Variants in WDFY4 observed in about 807,000 individuals in gnomAD.
WDFY4 encodes the protein WD repeat- and FYVE domain-containing protein 4.
Under a neutral mutation model 351.9 loss-of-function variants are expected in WDFY4, and 169 were observed. The observed-to-expected ratio is 0.48, with a 90% CI of 0.42 to 0.55. The LOEUF (loss-of-function observed/expected upper bound fraction) is 0.55, where lower values mean the gene tolerates loss of function less well. Among genes scored for constraint, WDFY4 ranks in the 20% least tolerant of loss-of-function variants. The pLI is 0.00. For missense variants in WDFY4, 3,803 were observed against 3,935.6 expected, an observed-to-expected ratio of 0.97 and a Z score of 0.90; for synonymous variants, 1,622 against 1,574.6, an observed-to-expected ratio of 1.03 and a Z score of -0.71.
At chr10:48,798,141 T>C (rs956299450) in intron 24 of WDFY4, among the ~76,000 whole-genome samples, 1 of 152,170 alleles carries the variant, frequency 6.6e-6, no homozygotes, top group Non-Finnish European at 1.5e-5. Context: ...AGAGGGAGAC[T>C]GACAGTCATC....
In WDFY4 at chr10:48,813,922, G is replaced by T. The variant is rs759010236; in HGVS notation, c.5215-35G>T. ...AAGCTCGTTCTCTTGGTGAGTAGCC[G>T]CAGGTCTGCTTACAGCTCCTGCCTC... is the stretch of plus-strand genomic sequence containing the variant. On this transcript the variant is annotated intron_variant, in intron 30 of 61. Transcript: ENST00000325239. 4.7e-6 allele frequency: 7 copies of T among 1,475,894 alleles called. No individual in the cohort carries two copies. The East Asian group carries it at 1.8e-4, about 38-fold the overall frequency. The allele number at this position is 1,475,894 out of a possible 1,614,324, so 91.4% of individuals were successfully genotyped here. A position where few individuals can be genotyped will look rare whatever the true frequency, so the allele number is the denominator to read the frequency against.
chr10:48,874,601 G>A (rs1231450548), intron 41 of WDFY4, among the ~76,000 whole-genome samples: 2 of 152,024 alleles, frequency 1.3e-5, no homozygotes, highest in East Asian at 3.9e-4. Context: ...ATAAACATTT[G>A]GTGGTGTGTA....
chr10:48,913,652 C>G (rs767039473), intron 47 of WDFY4: 2 of 1,613,678 alleles, frequency 1.2e-6, no homozygotes, highest in Non-Finnish European at 1.7e-6. Context: ...GCTTTTTCAG[C>G]TTGGGGAGCT....
intron 54 of WDFY4, 107 bp downstream of exon 54, chr10:48,964,161 G>C: frequency 1.6e-6 from 2 of 1,248,920 alleles, no homozygotes; most frequent in Non-Finnish European, 2.3e-6. Flanking sequence ...GAGGTGAAAT[G>C]GTCCCCCATC....
At chr10:48,827,591 A>G (rs1411666123) in intron 36 of WDFY4, among the ~76,000 whole-genome samples, 4 of 150,280 alleles carry the variant, frequency 2.7e-5, no homozygotes, top group Non-Finnish European at 4.4e-5. Flanking sequence ...GGCTGTGAGT[A>G]TGATGTCTTA....
chr10:48,743,775 C>T (rs941674336), intron 12 of WDFY4, among the ~76,000 whole-genome samples: 6 of 152,086 alleles, frequency 3.9e-5, no homozygotes, highest in African/African-American at 1.4e-4. Flanking sequence ...AGGATGCTGT[C>T]GAGTCACATA....
At chr10:48,918,034 T>C (rs947334551) in intron 47 of WDFY4, among the ~76,000 whole-genome samples, 8 of 152,182 alleles carry the variant, frequency 5.3e-5, no homozygotes, top group African/African-American at 1.7e-4. Context: ...AAGCAGACAG[T>C]AAAGTATGTG....
chr10:48,758,855 T>A (rs763512693), intron 12 of WDFY4, among the ~76,000 whole-genome samples: 1 of 152,226 alleles, frequency 6.6e-6, no homozygotes, highest in Non-Finnish European at 1.5e-5. Flanking sequence ...GGGTTTCGTC[T>A]GATAGTTCCA....
intron 42 of WDFY4, 28 bp from the exon 43 acceptor site, chr10:48,877,005 C>T (rs2070041595): frequency 1.4e-6 from 2 of 1,444,958 alleles, no homozygotes; most frequent in Non-Finnish European, 1.8e-6. Context: ...CTCCTGTCAA[C>T]ACCACGTGTC....
intron 47 of WDFY4, chr10:48,913,279 T>G (rs1050947217): frequency 2.0e-6 from 2 of 1,018,140 alleles, no homozygotes; most frequent in Admixed American, 2.3e-5. Context: ...TGGGCTTGGC[T>G]GAAAGAGCTG....
intron 51 of WDFY4, among the ~76,000 whole-genome samples, chr10:48,949,747 C>A (rs1841228775): frequency 6.6e-6 from 1 of 152,166 alleles, no homozygotes; most frequent in Non-Finnish European, 1.5e-5. Flanking sequence ...TGAGCAAATG[C>A]TACCACCCGC....
In WDFY4 at chr10:48,726,025, G is replaced by A; in HGVS notation, c.736G>A (p.Ala246Thr). 6.4e-7 allele frequency: 1 copy of A among 1,551,550 alleles called. No homozygotes were observed. The highest frequency in any genetic ancestry group is 8.7e-7 in the Non-Finnish European group (1 of 1,146,908). ...WKEPTFCVLR[A>T]ISKAQNLSII... ...GGAACCCACCTTCTGCGTGCTAAGG[G>A]CAATCTCCAAGGCCCAGAACCTCAG... Residue 246 changes from alanine to threonine, a missense_variant, in exon 6 of 62, where the codon GCA becomes ACA. Ala to Thr is a moderately conservative substitution (Grantham distance 58, BLOSUM62 0). This residue lies in a region of WDFY4 where 488 missense variants were observed against 456.8 expected (regional missense o/e 1.07). Transcript: ENST00000325239.
intron 1 of WDFY4, among the ~76,000 whole-genome samples, chr10:48,691,406 T>G (rs564125192): frequency 1.3e-5 from 2 of 152,046 alleles, no homozygotes; most frequent in Non-Finnish European, 2.9e-5. Context: ...AGCCTGACCC[T>G]AGCTCCACAC....
At position 48,787,900 on chromosome 10, in the gene WDFY4, C is replaced by T. The variant is rs954778044; in HGVS notation, c.3809-630C>T. On this transcript the variant is annotated intron_variant, in intron 20 of 61. Coordinates refer to ENST00000325239, the MANE Select transcript of WDFY4 (RefSeq NM_001394531.1). The stretch of plus-strand genomic sequence containing the variant: ...TTTCTTTCTTCTTCTTCTCCTTCTT[C>T]TTCTTCTTCTTCTTCTTCTTCTTCT... Among the ~76,000 whole-genome samples the T allele has an allele frequency of 1.6e-3, 44 of 27,232 alleles. 8 individuals carry two copies. The highest frequency in any genetic ancestry group is 8.2e-3 in the African/African-American group (43 of 5,226). 17.9% of individuals were successfully genotyped at this position (27,232 alleles called of 152,430 possible). A position where few individuals can be genotyped will look rare whatever the true frequency, so the allele number is the denominator to read the frequency against.
At chr10:48,803,161 T>G in intron 24 of WDFY4, 125 bp from the exon 25 acceptor site, 1 of 883,518 alleles carries the variant, frequency 1.1e-6, no homozygotes, top group Non-Finnish European at 1.8e-6. Flanking sequence ...ATTCCAGAGC[T>G]GGTACATCAT....
Position 48,908,043 on chromosome 10 carries a change from T to A in WDFY4, c.7586+6180T>A, listed in dbSNP as rs1446284483. 2.0e-5 allele frequency among the ~76,000 whole-genome samples: 3 copies of A among 152,350 alleles called. No homozygotes were observed. The East Asian group carries it at 5.8e-4, about 29-fold the overall frequency. ...CCTGGCCATTCTGCCTAGGTCATGC[T>A]CAGACCTTGGCCGTGGCCCCATTCC... On this transcript the variant is annotated intron_variant, in intron 47 of 61. Coordinates refer to ENST00000325239, the MANE Select transcript of WDFY4 (RefSeq NM_001394531.1).
chr10:48,924,338 CA>C (rs1839387336), intron 47 of WDFY4, among the ~76,000 whole-genome samples: 1 of 152,198 alleles, frequency 6.6e-6, no homozygotes, highest in African/African-American at 2.4e-5. Context: ...GACCCAGTGC[CA>C]GAAGCCATGA....
chr10:48,964,516 G>T (rs963327166), intron 54 of WDFY4, among the ~76,000 whole-genome samples: 1 of 152,194 alleles, frequency 6.6e-6, no homozygotes, highest in Non-Finnish European at 1.5e-5. Flanking sequence ...GCTCAGAGAG[G>T]CTAAATAAAT....
chr10:48,897,369 G>T (rs1351624542), intron 44 of WDFY4, 85 bp from the exon 45 acceptor site: 12 of 1,502,794 alleles, frequency 8.0e-6, no homozygotes, highest in Non-Finnish European at 1.1e-5. Context: ...GGTGGAGCTG[G>T]TGGAGGGCAG....
Sources: allele counts gnomAD v4.1 joint callset (sites outside exome capture counted in the v4.1 genomes callset), GRCh38; gene constraint gnomAD v4.1.1; regional missense constraint gnomAD v4.1.1; transcripts MANE v1.5; gene names NCBI Gene and HGNC (gene_info 2026-07-23, HGNC 2026-07-21).